The following TDRD10 variants were observed in gnomAD, a reference collection of about 807,000 sequenced individuals.
TDRD10 encodes tudor domain containing 10.
TDRD10 carries 40 observed loss-of-function variants against 48.0 expected under a neutral mutation model. The observed-to-expected ratio is 0.83, with a 90% CI of 0.65 to 1.09. TDRD10 has a LOEUF of 1.09. TDRD10 is among the 50% of genes least tolerant of loss of function. TDRD10 has a pLI of 0.00. For missense variants in TDRD10, 378 were observed against 434.7 expected, an observed-to-expected ratio of 0.87 and a Z score of 1.16; for synonymous variants, 162 against 170.4, an observed-to-expected ratio of 0.95 and a Z score of 0.38.
At chr1:154,532,045 G>A (rs970000841) in intron 6 of TDRD10, among the ~76,000 whole-genome samples, 7 of 152,222 alleles carry the variant, frequency 4.6e-5, no homozygotes, top group Non-Finnish European at 7.3e-5. Flanking sequence ...ATCTCGCACC[G>A]GGGCCACAGG....
chr1:154,508,399 A>G, intron 3 of TDRD10, 24 bp from the exon 4 acceptor site: 1 of 1,562,472 alleles, frequency 6.4e-7, no homozygotes, highest in South Asian at 1.1e-5. Flanking sequence ...TATGCCTGCC[A>G]TTTAATGCTG....
chr1:154,516,465 T>G (rs993092923), intron 4 of TDRD10, among the ~76,000 whole-genome samples: 14 of 152,088 alleles, frequency 9.2e-5, no homozygotes, highest in African/African-American at 3.1e-4. Flanking sequence ...TGCTTCTCTT[T>G]TCTCAGTGAA....
chr1:154,505,772 T>C (rs1460473800), intron 1 of TDRD10, among the ~76,000 whole-genome samples: 1 of 125,710 alleles, frequency 8.0e-6, no homozygotes. Flanking sequence ...ATCTGTAAAA[T>C]GGGAAGATAA....
rs188469643 is a variant in TDRD10, at chr1:154,521,720, A to G, written c.369+241A>G. On this transcript the variant is annotated intron_variant, in intron 6 of 12. Coordinates refer to ENST00000368482, the MANE Select transcript of TDRD10 (RefSeq NM_182499.4). ...ATTTTTGGCAAGGATAAAAAGGGCC[A>G]TTAGGCAATTCAGTCAGGGCTTTTT... Among the ~76,000 whole-genome samples, 6 of 152,364 alleles carry G rather than the reference A, an allele frequency of 3.9e-5. No homozygotes were observed. The East Asian group carries it at 1.2e-3, about 29-fold the overall frequency.
chr1:154,521,306 C>G lies in TDRD10; in HGVS notation c.213-17C>G, dbSNP rs931912013. On this transcript the variant is annotated splice_polypyrimidine_tract_variant and intron_variant, in intron 5 of 12. Coordinates refer to ENST00000368482, the MANE Select transcript of TDRD10 (RefSeq NM_182499.4). ...GGAGATGTGCTCAAAGCCTCCCTCT[C>G]TCTCTTCCCTTTTCAGCTTTGCATT... 8.7e-6 allele frequency: 14 copies of G among 1,613,468 alleles called. No homozygotes were observed. Among genetic ancestry groups the G allele is most frequent in the Admixed American group, 1.7e-5 (1 of 59,942 alleles).
At chr1:154,526,404 AC>A (rs1694318881) in intron 6 of TDRD10, among the ~76,000 whole-genome samples, 2 of 135,238 alleles carry the variant, frequency 1.5e-5, no homozygotes. Context: ...AAAACCCAAA[AC>A]AACTTTCACA....
chr1:154,537,235 C>T (rs1246255246), intron 6 of TDRD10, among the ~76,000 whole-genome samples: 1 of 152,190 alleles, frequency 6.6e-6, no homozygotes, highest in Non-Finnish European at 1.5e-5. Context: ...ACGTTTGTCT[C>T]TTCATCCCTC....
chr1:154,544,436 A>T lies in TDRD10; in HGVS notation c.716A>T (p.Tyr239Phe), dbSNP rs1695435777. Residue 239 changes from tyrosine to phenylalanine, a missense_variant, in exon 10 of 13, where the codon TAC becomes TTC. By Grantham distance (22) the Tyr-to-Phe change is conservative. Coordinates refer to ENST00000368482, the MANE Select transcript of TDRD10 (RefSeq NM_182499.4). ...TLAQAEEQQPYLEGSTVMRGT... is the reference protein window; with the variant it reads ...TLAQAEEQQPFLEGSTVMRGT... ...GCTCAGGCGGAGGAGCAGCAGCCCT[A>T]CCTGGAGGGCTCCACCGTTATGCGC... 3.1e-6 allele frequency: 5 copies of T among 1,610,658 alleles called. No homozygotes were observed. The East Asian group carries it at 1.1e-4, about 36-fold the overall frequency.
chr1:154,522,691 A>G (rs1490080207), intron 6 of TDRD10, among the ~76,000 whole-genome samples: 1 of 55,756 alleles, frequency 1.8e-5, no homozygotes, highest in Non-Finnish European at 4.9e-5. Flanking sequence ...TGCTAATTTC[A>G]AACTCTTTCT....
Position 154,526,599 on chromosome 1 carries a change from CCA to C in TDRD10, c.369+5124_369+5125del, listed in dbSNP as rs1694329225. ...GTCTCTCGAGCAGCTGGGATTACAG[CCA>C]CACGCCACCACGCCCAGCTAATTTT... On this transcript the variant is annotated intron_variant, in intron 6 of 12. Coordinates refer to ENST00000368482, the MANE Select transcript of TDRD10 (RefSeq NM_182499.4). Among the ~76,000 whole-genome samples the C allele has an allele frequency of 2.6e-5, 4 of 151,994 alleles. No homozygotes were observed. The South Asian group carries it at 8.3e-4, about 32-fold the overall frequency.
intron 6 of TDRD10, among the ~76,000 whole-genome samples, chr1:154,533,890 TATA>T (rs1557830001): frequency 0.028 from 1,586 of 55,796 alleles, 23 homozygotes; most frequent in African/African-American, 0.064. Flanking sequence ...TATATATATA[TATA>T]TTTTTTTTTA....
Position 154,547,674 on chromosome 1 carries a change from C to G in TDRD10, c.1024-4C>G. 1 of 1,614,116 alleles carries G rather than the reference C, an allele frequency of 6.2e-7. No homozygotes were observed. The highest frequency in any genetic ancestry group is 1.1e-5 in the South Asian group (1 of 91,056). On this transcript the variant is annotated splice_region_variant and splice_polypyrimidine_tract_variant and intron_variant, in intron 12 of 12. Transcript: ENST00000368482. ...CCCACCAAGGCTTTGTCTTTCTCTTCCAGTTGCACATCCTAAAGTTTGAAG... is the reference window on the plus strand; with the variant it reads ...CCCACCAAGGCTTTGTCTTTCTCTTGCAGTTGCACATCCTAAAGTTTGAAG...
rs1571002603 is a variant in TDRD10, at chr1:154,547,706, A to C, written c.1052A>C (p.Lys351Thr). The stretch of plus-strand genomic sequence containing the variant: ...CACATCCTAAAGTTTGAAGAGTCTA[A>C]ATAACGGGGCTTCCCTCAGCATGTT... ...ALHILKFEES[K>T] The change falls in exon 13 of 13, where the codon AAA becomes ACA. Residue 351 changes from lysine (K) to threonine (T), a missense_variant. Physicochemically the swap from Lys to Thr is moderately conservative, Grantham distance 78. Transcript: ENST00000368482. 1.2e-6 allele frequency: 2 copies of C among 1,613,610 alleles called. No homozygotes were observed. Among genetic ancestry groups the C allele is most frequent in the Non-Finnish European group, 1.7e-6 (2 of 1,179,900 alleles).
intron 6 of TDRD10, 92 bp from the exon 7 acceptor site, chr1:154,541,932 C>T (rs1412228813): frequency 7.6e-7 from 1 of 1,319,018 alleles, no homozygotes; most frequent in Non-Finnish European, 1.1e-6. Context: ...TGCCGATGCT[C>T]TGTCTCCCAG....
rs1320588317 is a variant in TDRD10, at chr1:154,506,861, C to T, written c.-27-16C>T. 6.2e-7 allele frequency: 1 copy of T among 1,608,736 alleles called. No individual in the cohort carries two copies. Among genetic ancestry groups the T allele is most frequent in the East Asian group, 2.2e-5 (1 of 44,854 alleles). ...TATCCTGGCATTCCTCTAACTGTGG[C>T]CGGTTGGTTTTGTAGGAGATCCTGT... On this transcript the variant is annotated splice_polypyrimidine_tract_variant and intron_variant, in intron 1 of 12. Transcript: ENST00000368482.
chr1:154,541,974 T>G lies in TDRD10; in HGVS notation c.370-50T>G, dbSNP rs780132710. Reference sequence around the variant, plus strand: ...TGGAGTGATTCAACATAGAAATCAATAAAACAAATGCCACCATGGCTGAGT... The same window carrying G: ...TGGAGTGATTCAACATAGAAATCAAGAAAACAAATGCCACCATGGCTGAGT... On this transcript the variant is annotated intron_variant, in intron 6 of 12. Coordinates refer to ENST00000368482, the MANE Select transcript of TDRD10 (RefSeq NM_182499.4). 1.9e-6 allele frequency: 3 copies of G among 1,596,388 alleles called. No individual in the cohort carries two copies. The South Asian group carries it at 3.3e-5, about 18-fold the overall frequency.
At chr1:154,532,055 G>T (rs1177639840) in intron 6 of TDRD10, among the ~76,000 whole-genome samples, 2 of 152,246 alleles carry the variant, frequency 1.3e-5, no homozygotes, top group Admixed American at 1.3e-4. Context: ...GGGGCCACAG[G>T]TGGAGCTGCC....
chr1:154,532,470 T>C (rs982487269), intron 6 of TDRD10, among the ~76,000 whole-genome samples: 8 of 152,056 alleles, frequency 5.3e-5, no homozygotes, highest in Non-Finnish European at 1.0e-4. Flanking sequence ...CACACCTGCC[T>C]GCAAGCCGAG....
chr1:154,547,320 C>T lies in TDRD10; in HGVS notation c.953-89C>T. 2.8e-6 allele frequency: 4 copies of T among 1,437,412 alleles called. No individual in the cohort carries two copies. The Admixed American group carries it at 5.3e-5, about 19-fold the overall frequency. 89.0% of individuals were successfully genotyped at this position (1,437,412 alleles called of 1,614,324 possible). ...GCTGGTTGGCGGCCAGAGCACTTTC[C>T]CTGCAGCCCCCGCCTTTTGCTTCCC... On this transcript the variant is annotated intron_variant, in intron 11 of 12. Transcript: ENST00000368482.
Sources: allele counts gnomAD v4.1 joint callset (sites outside exome capture counted in the v4.1 genomes callset), GRCh38; gene constraint gnomAD v4.1.1; transcripts MANE v1.5; gene names NCBI Gene and HGNC (gene_info 2026-07-23, HGNC 2026-07-21).